Variants in LZTR1 observed in about 807,000 individuals in gnomAD.
LZTR1 encodes leucine zipper like post translational regulator 1.
Under a neutral mutation model 105.7 loss-of-function variants are expected in LZTR1, and 260 were observed. That is an observed-to-expected ratio of 2.46 (90% CI 2.22 to 2.72). The LOEUF (loss-of-function observed/expected upper bound fraction) is 2.72, where lower values mean the gene tolerates loss of function less well. LZTR1 is among the 30% of genes most tolerant of loss of function. The pLI is 0.00. For synonymous variants in LZTR1, 490 were observed against 476.4 expected, an observed-to-expected ratio of 1.03 and a Z score of -0.37; for missense variants, 1,214 against 1,166.9, an observed-to-expected ratio of 1.04 and a Z score of -0.59.
rs546185258 is a variant in LZTR1, at chr22:20,995,307, T to A, written c.1942+281T>A. ...ACCTCTTTCGGGCTAGGATGTCAGG[T>A]CTGATGGCCCAGGGTCACGGTGATC... On this transcript the variant is annotated intron_variant, in intron 16 of 20. Transcript: ENST00000646124. 6.1e-6 allele frequency: 4 copies of A among 659,884 alleles called. No individual in the cohort carries two copies. In the East Asian group the frequency reaches 1.2e-4, roughly 21 times the overall value. 40.9% of individuals were successfully genotyped at this position (659,884 alleles called of 1,614,324 possible).
Position 20,988,854 on chromosome 22 carries a change from G to C in LZTR1, c.575G>C (p.Gly192Ala). The C allele has an allele frequency of 6.2e-7, 1 of 1,614,000 alleles. No homozygotes were observed. Among genetic ancestry groups the C allele is most frequent in the Non-Finnish European group, 8.5e-7 (1 of 1,179,952 alleles). ...VYSDKLWIFAGYDGNARLNDM... is the reference protein window; with the variant it reads ...VYSDKLWIFAAYDGNARLNDM... The stretch of plus-strand genomic sequence containing the variant: ...AGTGACAAGCTGTGGATCTTTGCTG[G>C]CTATGACGGCAACGCCAGGTGGGTG... The change falls in exon 6 of 21, where the codon GGC (glycine) becomes GCC (alanine). Residue 192 changes from glycine (G) to alanine (A), a missense_variant. Transcript: ENST00000646124.
At position 20,982,536 on chromosome 22, in the gene LZTR1, G is replaced by A. The variant is rs1924233407; in HGVS notation, c.165G>A (p.Arg55=). The change falls in exon 1 of 21, where the codon CGG becomes CGA. Residue 55 remains arginine (R), a synonymous_variant. Coordinates refer to ENST00000646124, the MANE Select transcript of LZTR1 (RefSeq NM_006767.4). ...CCTTCGAAACAGTGCATCGCTGGCG[G>A]CGCCTCCCGCCCTGCGACGAGTTCG... ...FGPFETVHRW[R]RLPPCDEFVG... The A allele has an allele frequency of 1.2e-6, 2 of 1,612,996 alleles. No homozygotes were observed. Among genetic ancestry groups the A allele is most frequent in the East Asian group, 4.5e-5 (2 of 44,870 alleles).
rs144805359 is a variant in LZTR1, at chr22:20,995,795, G to C, written c.1992G>C (p.Ala664=). The C allele has an allele frequency of 1.2e-6, 2 of 1,613,534 alleles. No individual in the cohort carries two copies. Among genetic ancestry groups the C allele is most frequent in the South Asian group, 2.2e-5 (2 of 91,080 alleles). ...AGGCATACCTGGAGGGAGCGGGCGC[G>C]GAATTCTGTGACATCACTCTGTTGC... is the stretch of plus-strand genomic sequence containing the variant. ...DMKAYLEGAG[A]EFCDITLLLD... Residue 664 remains alanine, a synonymous_variant, in exon 17 of 21, where the codon GCG becomes GCC. Transcript: ENST00000646124.
intron 10 of LZTR1, 74 bp downstream of exon 10, chr22:20,992,443 G>T: frequency 6.9e-7 from 1 of 1,458,912 alleles, no homozygotes. Context: ...TCTCACACAT[G>T]GGGAGACTGA....
intron 10 of LZTR1, 40 bp from the exon 11 acceptor site, chr22:20,992,754 C>A (rs772510252): frequency 1.1e-5 from 15 of 1,319,180 alleles, no homozygotes; most frequent in Admixed American, 3.9e-5. Flanking sequence ...TGTGGAGGCT[C>A]TGCTCCCCCA....
At chr22:20,985,583 T>C (rs1031108806) in intron 2 of LZTR1, among the ~76,000 whole-genome samples, 5 of 151,932 alleles carry the variant, frequency 3.3e-5, no homozygotes, top group African/African-American at 1.2e-4. Context: ...GGGCTCCTGG[T>C]GGCCACATTC....
At position 20,993,690 on chromosome 22, in the gene LZTR1, A is replaced by C. The variant is rs757718800; in HGVS notation, c.1289A>C (p.His430Pro). 2 of 1,613,578 alleles carry C rather than the reference A, an allele frequency of 1.2e-6. No individual in the cohort carries two copies. Among genetic ancestry groups the C allele is most frequent in the Middle Eastern group, 1.7e-4 (1 of 6,060 alleles). The change falls in exon 12 of 21, where the codon CAC becomes CCC. Residue 430 changes from histidine (H) to proline (P), a missense_variant. Physicochemically the swap from His to Pro is moderately conservative, Grantham distance 77 (BLOSUM62 -2). Coordinates refer to ENST00000646124, the MANE Select transcript of LZTR1 (RefSeq NM_006767.4). The stretch of plus-strand genomic sequence containing the variant: ...TCCTGTTACCCTAAATGCACGCTGC[A>C]CGAGGACTACGGGCGGCTGTGGGAG... ...QFSCYPKCTL[H>P]EDYGRLWESR...
rs1200675291 is a variant in LZTR1 at position 20,991,656 on chromosome 22, C to T, written c.820C>T (p.Leu274Phe). Residue 274 changes from leucine (L) to phenylalanine (F), a missense_variant, in exon 9 of 21, where the codon CTC becomes TTC. Coordinates refer to ENST00000646124, the MANE Select transcript of LZTR1 (RefSeq NM_006767.4). ...TWTRIPTEHL[L>F]RGSPPPPQRR... The stretch of plus-strand genomic sequence containing the variant: ...GACACGCATCCCAACTGAACACCTG[C>T]TCCGGGGCTCCCCACCACCCCCGCA... 8.1e-6 allele frequency: 13 copies of T among 1,601,314 alleles called. No individual in the cohort carries two copies. The highest frequency in any genetic ancestry group is 1.0e-5 in the Non-Finnish European group (12 of 1,177,634).
At chr22:20,986,019 G>T in intron 3 of LZTR1, 122 bp downstream of exon 3, 1 of 1,064,436 alleles carries the variant, frequency 9.4e-7, no homozygotes, top group South Asian at 1.4e-5. Flanking sequence ...CTTCCAGGAG[G>T]AGATAACCAC....
intron 2 of LZTR1, among the ~76,000 whole-genome samples, chr22:20,984,588 C>T (rs1924304135): frequency 8.8e-6 from 1 of 114,272 alleles, no homozygotes; most frequent in East Asian, 3.0e-4. Flanking sequence ...AAGATGGCCT[C>T]CTGCGGCACG....
chr22:20,982,631 C>A, intron 1 of LZTR1, 60 bp downstream of exon 1: 1 of 1,550,202 alleles, frequency 6.5e-7, no homozygotes, highest in Non-Finnish European at 8.8e-7. Context: ...GGTCCCAGGG[C>A]GGGTCCAGGG....
rs1278042614 is a variant in LZTR1 at position 20,995,449 on chromosome 22, G to T, written c.1943-297G>T. The T allele has an allele frequency of 2.3e-5, 15 of 641,422 alleles. No homozygotes were observed. The Admixed American group carries it at 3.2e-4, about 14-fold the overall frequency. 39.7% of individuals were successfully genotyped at this position (641,422 alleles called of 1,614,324 possible). On this transcript the variant is annotated intron_variant, in intron 16 of 20. Transcript: ENST00000646124. ...TTGGTGATGTCTGCAGGCACCAGAG[G>T]CCATGCAGTGGGCCTGGAGGGGGCT...
intron 10 of LZTR1, 174 bp downstream of exon 10, chr22:20,992,543 G>A: frequency 1.3e-6 from 1 of 790,698 alleles, no homozygotes; most frequent in African/African-American, 1.7e-5. Flanking sequence ...CAGCTTTCTG[G>A]GGTGGGTGCC....
Position 20,987,388 on chromosome 22 carries a change from C to CAAA in LZTR1, c.321-103_321-101dup, listed in dbSNP as rs58365624. 389 of 530,158 alleles carry CAAA rather than the reference C, an allele frequency of 7.3e-4. 1 individual carries two copies. The highest frequency in any genetic ancestry group is 1.2e-3 in the South Asian group (48 of 41,216). 32.8% of individuals were successfully genotyped at this position (530,158 alleles called of 1,614,324 possible). On this transcript the variant is annotated intron_variant, in intron 3 of 20. Transcript: ENST00000646124. ...GGGACGACAGAGAGAGACTCCGTCT[C>CAAA]AAAAAAAAAAAAAAAGAAAAAAGAA...
chr22:20,986,376 T>TGATAGATAGATAGATA (rs66678200), intron 3 of LZTR1: 4 of 144,464 alleles, frequency 2.8e-5, no homozygotes, highest in Admixed American at 6.9e-5. Flanking sequence ...GATAGACAGA[T>TGATAGATAGATAGATA]GATAGATAGA....
chr22:20,994,915 G>A lies in LZTR1; in HGVS notation c.1831G>A (p.Val611Met). 1 of 1,613,424 alleles carries A rather than the reference G, an allele frequency of 6.2e-7. No homozygotes were observed. The highest frequency in any genetic ancestry group is 1.1e-5 in the South Asian group (1 of 91,084). ...FVVKESHFNQ[V>M]IMMKEFERLS... ...GGTAAAGGAGTCCCACTTCAACCAG[G>A]TGATCATGATGAAGGAGTTCGAGCG... The change falls in exon 16 of 21, where the codon GTG becomes ATG. Residue 611 changes from valine to methionine, a missense_variant. Coordinates refer to ENST00000646124, the MANE Select transcript of LZTR1 (RefSeq NM_006767.4).
Position 20,987,554 on chromosome 22 carries a change from TC to T in LZTR1, c.372del (p.Val125SerfsTer22). 1 of 1,613,990 alleles carries T rather than the reference TC, an allele frequency of 6.2e-7. No individual in the cohort carries two copies. Among genetic ancestry groups the T allele is most frequent in the Non-Finnish European group, 8.5e-7 (1 of 1,179,938 alleles). ...GCCCCCCGTTACCACCACTCGGCCG[TC>T]GTCTATGGGAGCAGCATGTTTGTCT... Reference protein sequence around the residue: ...PPAPRYHHSAVVYGSSMFVFG... With the variant: ...PPAPRYHHSAXVYGSSMFVFG... On this transcript the variant is annotated frameshift_variant, in exon 4 of 21. Transcript: ENST00000646124. LOFTEE classifies it high-confidence loss of function.
chr22:20,995,232 C>G, intron 16 of LZTR1: 5 of 703,182 alleles, frequency 7.1e-6, no homozygotes, highest in Non-Finnish European at 1.3e-5. Flanking sequence ...TGGGCTGTGT[C>G]CTGGTGACCT....
chr22:20,996,237 G>C (rs1924841707), intron 18 of LZTR1, 125 bp downstream of exon 18: 1 of 1,083,710 alleles, frequency 9.2e-7, no homozygotes, highest in East Asian at 2.5e-5. Context: ...TCCCTCCAGA[G>C]GGTTTGCTGG....
Sources: gnomAD v4.1 joint callset for allele counts (sites outside exome capture counted in the v4.1 genomes callset) on GRCh38, gnomAD v4.1.1 for gene constraint, MANE v1.5 for transcripts, NCBI Gene and HGNC (gene_info 2026-07-23, HGNC 2026-07-21) for gene names.